Variants in ACVR2A observed in about 807,000 individuals in gnomAD.
ACVR2A encodes the protein activin receptor type-2A.
ACVR2A carries 7 observed loss-of-function variants against 61.4 expected under a neutral mutation model. That is an observed-to-expected ratio of 0.11 (90% CI 0.06 to 0.21). The LOEUF (loss-of-function observed/expected upper bound fraction) is 0.21, where lower values mean the gene tolerates loss of function less well. Ranked by LOEUF, ACVR2A falls within the 10% of genes least tolerant of loss-of-function variation. The pLI is 1.00. For synonymous variants in ACVR2A, 193 were observed against 208.3 expected, an observed-to-expected ratio of 0.93 and a Z score of 0.63; for missense variants, 322 against 621.7, an observed-to-expected ratio of 0.52 and a Z score of 5.13.
In ACVR2A at chr2:147,928,824, T is replaced by A. The variant is rs1408531693; in HGVS notation, c.*1550T>A. On this transcript the variant is annotated 3_prime_UTR_variant, in exon 11 of 11. Transcript: ENST00000241416. ...ACAGGCCAAAAAGTAAAACATTAATTTTCTGAATTTCCAGATTACCAATCA... is the reference window on the plus strand; with the variant it reads ...ACAGGCCAAAAAGTAAAACATTAATATTCTGAATTTCCAGATTACCAATCA... The A allele has an allele frequency of 6.6e-6, 1 of 152,376 alleles. No homozygotes were observed. The highest frequency in any genetic ancestry group is 1.5e-5 in the Non-Finnish European group (1 of 67,942). 9.4% of individuals were successfully genotyped at this position (152,376 alleles called of 1,614,324 possible). A position where few individuals can be genotyped will look rare whatever the true frequency, so the allele number is the denominator to read the frequency against.
chr2:147,899,471 G>GA lies in ACVR2A; in HGVS notation c.285dup (p.Asp96ArgfsTer4). 7 of 1,609,002 alleles carry GA rather than the reference G, an allele frequency of 4.4e-6. No individual in the cohort carries two copies. The highest frequency in any genetic ancestry group is 3.3e-5 in the South Asian group (3 of 90,218). Reference sequence around the variant, plus strand: ...GCTTATTTATAGGACTGATTGTGTAGAAAAAAAAGACAGCCCTGAAGTATA... The same window carrying GA: ...GCTTATTTATAGGACTGATTGTGTAGAAAAAAAAAGACAGCCCTGAAGTATA... On this transcript the variant is annotated frameshift_variant, in exon 3 of 11. Transcript: ENST00000241416. LOFTEE classifies it high-confidence loss of function.
Position 147,855,552 on chromosome 2 carries a change from T to A in ACVR2A, c.55+10345T>A, listed in dbSNP as rs537227255. On this transcript the variant is annotated intron_variant, in intron 1 of 10. Coordinates refer to ENST00000241416, the MANE Select transcript of ACVR2A (RefSeq NM_001616.5). Reference sequence around the variant, plus strand: ...GACCATTAGGAACCTGTTGCATCAGTGTAAGCTAGAGAGACTCTCCTAGAT... The same window carrying A: ...GACCATTAGGAACCTGTTGCATCAGAGTAAGCTAGAGAGACTCTCCTAGAT... Among the ~76,000 whole-genome samples, 348 of 152,302 alleles carry A rather than the reference T, an allele frequency of 2.3e-3. 1 individual carries two copies. Among genetic ancestry groups the A allele is most frequent in the South Asian group, 8.7e-3 (42 of 4,824 alleles).
chr2:147,927,410 G>A lies in ACVR2A; in HGVS notation c.*136G>A. On this transcript the variant is annotated 3_prime_UTR_variant, in exon 11 of 11. Coordinates refer to ENST00000241416, the MANE Select transcript of ACVR2A (RefSeq NM_001616.5). Reference sequence around the variant, plus strand: ...GAAATGTTAAGAAAGAAGACCCTTTGTTGAAAAATGTTGCTCTGGGAGACT... The same window carrying A: ...GAAATGTTAAGAAAGAAGACCCTTTATTGAAAAATGTTGCTCTGGGAGACT... 1.2e-6 allele frequency: 1 copy of A among 830,952 alleles called. No individual in the cohort carries two copies. Among genetic ancestry groups the A allele is most frequent in the Non-Finnish European group, 1.8e-6 (1 of 561,630 alleles). 51.5% of individuals were successfully genotyped at this position (830,952 alleles called of 1,614,324 possible). A position where few individuals can be genotyped will look rare whatever the true frequency, so the allele number is the denominator to read the frequency against.
chr2:147,916,408 G>A (rs1341625239), intron 5 of ACVR2A, among the ~76,000 whole-genome samples: 2 of 151,836 alleles, frequency 1.3e-5, no homozygotes, highest in African/African-American at 4.8e-5. Flanking sequence ...GCTTTTATTG[G>A]GTCAGGTAGG....
At chr2:147,918,696 T>C in intron 7 of ACVR2A, 104 bp downstream of exon 7, 1 of 959,924 alleles carries the variant, frequency 1.0e-6, no homozygotes. Flanking sequence ...GCAATCATGC[T>C]TTACAAGACA....
At chr2:147,857,600 T>C (rs181952455) in intron 1 of ACVR2A, among the ~76,000 whole-genome samples, 2 of 149,450 alleles carry the variant, frequency 1.3e-5, no homozygotes, top group Non-Finnish European at 3.0e-5. Flanking sequence ...ATGAAAGTAA[T>C]TAATTATGCA....
At chr2:147,853,827 A>G (rs1685502117) in intron 1 of ACVR2A, among the ~76,000 whole-genome samples, 2 of 152,098 alleles carry the variant, frequency 1.3e-5, no homozygotes, top group African/African-American at 2.4e-5. Flanking sequence ...TCCCATCTTC[A>G]TAACTATATG....
intron 1 of ACVR2A, among the ~76,000 whole-genome samples, chr2:147,886,599 T>C (rs1157726965): frequency 6.6e-6 from 1 of 152,186 alleles, no homozygotes; most frequent in Non-Finnish European, 1.5e-5. Flanking sequence ...TGTAGTGAAA[T>C]TGATAATTGT....
intron 1 of ACVR2A, among the ~76,000 whole-genome samples, chr2:147,895,000 A>G (rs1163017250): frequency 6.6e-6 from 1 of 152,126 alleles, no homozygotes; most frequent in African/African-American, 2.4e-5. Flanking sequence ...GGACAATTTG[A>G]AAAAACTCAC....
chr2:147,866,969 G>T (rs1685872005), intron 1 of ACVR2A, among the ~76,000 whole-genome samples: 1 of 152,162 alleles, frequency 6.6e-6, no homozygotes, highest in African/African-American at 2.4e-5. Context: ...AGCAGGGAGA[G>T]AAGTTAAGGA....
chr2:147,863,824 G>T (rs897294547), intron 1 of ACVR2A, among the ~76,000 whole-genome samples: 1 of 152,110 alleles, frequency 6.6e-6, no homozygotes, highest in Admixed American at 6.5e-5. Flanking sequence ...TGTTCCTTTT[G>T]GTTATATAGT....
rs1162407444 is a variant in ACVR2A, at chr2:147,927,499, T to TAAAG, written c.*229_*232dup. The TAAAG allele has an allele frequency of 7.4e-6, 3 of 402,706 alleles. No homozygotes were observed. The highest frequency in any genetic ancestry group is 6.3e-5 in the African/African-American group (3 of 47,790). 24.9% of individuals were successfully genotyped at this position (402,706 alleles called of 1,614,324 possible). A position where few individuals can be genotyped will look rare whatever the true frequency, so the allele number is the denominator to read the frequency against. On this transcript the variant is annotated 3_prime_UTR_variant, in exon 11 of 11. Coordinates refer to ENST00000241416, the MANE Select transcript of ACVR2A (RefSeq NM_001616.5). ...ACTAAGAGAAACCTTGCAAACTCTA[T>TAAAG]AAAGAAACTTTTGAAAAAGTGTACA...
chr2:147,928,621 T>C lies in ACVR2A; in HGVS notation c.*1347T>C, dbSNP rs1459125668. The C allele has an allele frequency of 6.6e-6, 1 of 152,294 alleles. No individual in the cohort carries two copies. Among genetic ancestry groups the C allele is most frequent in the Non-Finnish European group, 1.5e-5 (1 of 67,902 alleles). 9.4% of individuals were successfully genotyped at this position (152,294 alleles called of 1,614,324 possible). ...CATTTAGAGGTAACCAATGTTGATA[T>C]AGGTAGCATAGCCTAGCCTCCTCCC... is the stretch of plus-strand genomic sequence containing the variant. On this transcript the variant is annotated 3_prime_UTR_variant, in exon 11 of 11. Transcript: ENST00000241416.
At chr2:147,868,577 C>A (rs1458518320) in intron 1 of ACVR2A, among the ~76,000 whole-genome samples, 1 of 151,666 alleles carries the variant, frequency 6.6e-6, no homozygotes, top group Non-Finnish European at 1.5e-5. Context: ...TCCCTGCCCC[C>A]CCCAAGGTTT....
Position 147,930,355 on chromosome 2 carries a change from G to GTTTTTTT in ACVR2A, c.*3092_*3098dup, listed in dbSNP as rs5835176. The GTTTTTTT allele has an allele frequency of 7.6e-6, 1 of 132,284 alleles. No homozygotes were observed. 8.2% of individuals were successfully genotyped at this position (132,284 alleles called of 1,614,324 possible). ...GAATAAACTGATTACTGGTTTTTTT[G>GTTTTTTT]TTTTTTTTTTTTTTTTTAAAGAAAG... On this transcript the variant is annotated 3_prime_UTR_variant, in exon 11 of 11. Transcript: ENST00000241416.
chr2:147,854,962 A>G (rs990409929), intron 1 of ACVR2A, among the ~76,000 whole-genome samples: 3 of 151,932 alleles, frequency 2.0e-5, no homozygotes, highest in African/African-American at 7.3e-5. Flanking sequence ...GCTTACCACA[A>G]CCCCAGCCTT....
chr2:147,863,954 G>A (rs968399565), intron 1 of ACVR2A, among the ~76,000 whole-genome samples: 2 of 152,184 alleles, frequency 1.3e-5, no homozygotes, highest in African/African-American at 4.8e-5. Flanking sequence ...ACTCAGAGAA[G>A]TTGAATTAAT....
chr2:147,884,235 C>T (rs1686377475), intron 1 of ACVR2A, among the ~76,000 whole-genome samples: 2 of 152,050 alleles, frequency 1.3e-5, no homozygotes, highest in Non-Finnish European at 2.9e-5. Flanking sequence ...CACCATTATC[C>T]CTTCTCCCCG....
chr2:147,865,057 AG>A (rs1341829763), intron 1 of ACVR2A, among the ~76,000 whole-genome samples: 2 of 151,702 alleles, frequency 1.3e-5, no homozygotes, highest in Non-Finnish European at 2.9e-5. Flanking sequence ...GGACTTCACT[AG>A]GTTAGGGATG....
Sources: allele counts gnomAD v4.1 joint callset (sites outside exome capture counted in the v4.1 genomes callset), GRCh38; gene constraint gnomAD v4.1.1; transcripts MANE v1.5; gene names NCBI Gene and HGNC (gene_info 2026-07-23, HGNC 2026-07-21).